The following GRIN2A variants were observed in gnomAD, a reference collection of about 807,000 sequenced individuals.
GRIN2A encodes glutamate receptor ionotropic, NMDA 2A.
A neutral mutation model predicts 113.4 loss-of-function variants in GRIN2A; 22 were observed. The observed-to-expected ratio is 0.19, with a 90% CI of 0.14 to 0.28. GRIN2A has a LOEUF of 0.28. GRIN2A is among the 10% of genes least tolerant of loss of function. GRIN2A has a pLI of 1.00. For synonymous variants in GRIN2A, 827 were observed against 738.4 expected, an observed-to-expected ratio of 1.12 and a Z score of -1.94; for missense variants, 1,502 against 1,887.0, an observed-to-expected ratio of 0.80 and a Z score of 3.78.
chr16:9,937,308 G>T (rs1049250287), intron 3 of GRIN2A, among the ~76,000 whole-genome samples: 2 of 151,952 alleles, frequency 1.3e-5, no homozygotes, highest in African/African-American at 4.8e-5. Context: ...TAGCATAATA[G>T]GGTGACTATA....
chr16:10,025,753 C>A (rs1221962170), intron 2 of GRIN2A, among the ~76,000 whole-genome samples: 1 of 152,172 alleles, frequency 6.6e-6, no homozygotes, highest in Non-Finnish European at 1.5e-5. Context: ...CCCTGCCTCC[C>A]TATATCGGCT....
At chr16:10,067,892 T>A (rs530079682) in intron 2 of GRIN2A, among the ~76,000 whole-genome samples, 9 of 152,172 alleles carry the variant, frequency 5.9e-5, no homozygotes, top group Non-Finnish European at 1.0e-4. Flanking sequence ...AATGATGTGG[T>A]CCCAAATGTC....
intron 4 of GRIN2A, among the ~76,000 whole-genome samples, chr16:9,884,491 G>A (rs764698359): frequency 6.6e-6 from 1 of 152,116 alleles, no homozygotes; most frequent in Non-Finnish European, 1.5e-5. Context: ...AGAGGTTGCA[G>A]TGAGCCCAGA....
chr16:9,837,448 A>T (rs2042600590), intron 7 of GRIN2A, among the ~76,000 whole-genome samples: 1 of 152,214 alleles, frequency 6.6e-6, no homozygotes, highest in Non-Finnish European at 1.5e-5. Flanking sequence ...TTGAGGCCAG[A>T]TTCAATATTC....
At position 9,931,148 on chromosome 16, in the gene GRIN2A, T is replaced by G. The variant is rs530550535; in HGVS notation, c.1007+6811A>C. ...TTGAGCTCTTCTACTTGATTTCCAGTGCAGTAACTTCTCCATGTCCTACTT... is the reference window on the plus strand; with the variant it reads ...TTGAGCTCTTCTACTTGATTTCCAGGGCAGTAACTTCTCCATGTCCTACTT... On this transcript the variant is annotated intron_variant, in intron 3 of 12. Coordinates refer to ENST00000330684, the MANE Select transcript of GRIN2A (RefSeq NM_001134407.3). 2.0e-4 allele frequency among the ~76,000 whole-genome samples: 30 copies of G among 152,280 alleles called. No homozygotes were observed. The South Asian group carries it at 5.6e-3, about 28-fold the overall frequency.
At chr16:9,992,026 A>G (rs2729592) in intron 2 of GRIN2A, among the ~76,000 whole-genome samples, 1 of 152,124 alleles carries the variant, frequency 6.6e-6, no homozygotes, top group Non-Finnish European at 1.5e-5. Flanking sequence ...ATGTAACAAA[A>G]CTGCACGTTC....
intron 11 of GRIN2A, among the ~76,000 whole-genome samples, chr16:9,776,886 C>T (rs1901635604): frequency 6.6e-6 from 1 of 152,142 alleles, no homozygotes; most frequent in Admixed American, 6.5e-5. Flanking sequence ...TCGATGACAA[C>T]AGACTTGGTC....
At chr16:9,886,919 G>C (rs1177286191) in intron 4 of GRIN2A, among the ~76,000 whole-genome samples, 2 of 152,142 alleles carry the variant, frequency 1.3e-5, no homozygotes, top group East Asian at 3.8e-4. Context: ...ACAAAACCTT[G>C]CTCTGTCACC....
At position 9,754,783 on chromosome 16, in the gene GRIN2A, A is replaced by G. The variant is rs1054130177; in HGVS notation, c.*8366T>C. ...ATTCAAAAGGCTATGATTGTTTTTC[A>G]TGGAAAAAAAAAGACAATGTTTTCG... On this transcript the variant is annotated 3_prime_UTR_variant, in exon 13 of 13. Coordinates refer to ENST00000330684, the MANE Select transcript of GRIN2A (RefSeq NM_001134407.3). 4.5e-6 allele frequency: 1 copy of G among 220,778 alleles called. No individual in the cohort carries two copies. Among genetic ancestry groups the G allele is most frequent in the Non-Finnish European group, 9.1e-6 (1 of 110,232 alleles). The allele number at this position is 220,778 out of a possible 1,614,324, so 13.7% of individuals were successfully genotyped here.
At chr16:10,047,035 G>A (rs1424872313) in intron 2 of GRIN2A, among the ~76,000 whole-genome samples, 1 of 152,134 alleles carries the variant, frequency 6.6e-6, no homozygotes, top group African/African-American at 2.4e-5. Flanking sequence ...GATGCCAGTA[G>A]TACTCACCTT....
Position 10,148,751 on chromosome 16 carries a change from A to G in GRIN2A, c.414+31247T>C, listed in dbSNP as rs1418501062. 2.6e-5 allele frequency among the ~76,000 whole-genome samples: 4 copies of G among 152,092 alleles called. No individual in the cohort carries two copies. The East Asian group carries it at 5.8e-4, about 22-fold the overall frequency. On this transcript the variant is annotated intron_variant, in intron 2 of 12. Transcript: ENST00000330684. ...TATCCAAAAGAAAGGAAATCAGTATATCAAAGAGATATCTGCACTCCTATG... is the reference window on the plus strand; with the variant it reads ...TATCCAAAAGAAAGGAAATCAGTATGTCAAAGAGATATCTGCACTCCTATG...
chr16:10,054,297 A>T (rs1036814705), intron 2 of GRIN2A, among the ~76,000 whole-genome samples: 2 of 152,198 alleles, frequency 1.3e-5, no homozygotes, highest in Non-Finnish European at 2.9e-5. Context: ...TAAATGTGAA[A>T]ATATGTTCAA....
rs1900604490 is a variant in GRIN2A, at chr16:9,761,983, G to A, written c.*1166C>T. On this transcript the variant is annotated 3_prime_UTR_variant, in exon 13 of 13. Coordinates refer to ENST00000330684, the MANE Select transcript of GRIN2A (RefSeq NM_001134407.3). ...GTTTTGAAGGCTTTTGATTTGAGGA[G>A]TTTGGGGTGGAAGTGAGTGTCCAAC... 1 of 200,144 alleles carries A rather than the reference G, an allele frequency of 5.0e-6. No individual in the cohort carries two copies. Among genetic ancestry groups the A allele is most frequent in the Non-Finnish European group, 1.0e-5 (1 of 96,956 alleles). The allele number at this position is 200,144 out of a possible 1,614,324, so 12.4% of individuals were successfully genotyped here. A position where few individuals can be genotyped will look rare whatever the true frequency, so the allele number is the denominator to read the frequency against.
chr16:9,964,417 G>A (rs962817590), intron 2 of GRIN2A, among the ~76,000 whole-genome samples: 11 of 152,280 alleles, frequency 7.2e-5, no homozygotes, highest in East Asian at 3.9e-4. Context: ...GCCATGGTGC[G>A]TTCATTTTCT....
chr16:9,800,276 G>A (rs6497517), intron 10 of GRIN2A, among the ~76,000 whole-genome samples: 56,490 of 151,978 alleles, frequency 0.37, 11,391 homozygotes, highest in African/African-American at 0.55. Flanking sequence ...TTAGATCCCT[G>A]TCAGTAGTCC....
At chr16:10,017,499 G>C (rs1281592816) in intron 2 of GRIN2A, among the ~76,000 whole-genome samples, 1 of 152,050 alleles carries the variant, frequency 6.6e-6, no homozygotes, top group Non-Finnish European at 1.5e-5. Context: ...GGCTTATTTC[G>C]AGCTATGTTA....
intron 2 of GRIN2A, among the ~76,000 whole-genome samples, chr16:10,119,132 CTTAT>C (rs2048782784): frequency 6.6e-6 from 1 of 152,012 alleles, no homozygotes; most frequent in Admixed American, 6.6e-5. Flanking sequence ...TATTTGAGGG[CTTAT>C]TTGTTATAGC....
intron 2 of GRIN2A, among the ~76,000 whole-genome samples, chr16:10,172,662 TA>T (rs1028077678): frequency 3.0e-4 from 45 of 152,320 alleles, no homozygotes; most frequent in African/African-American, 9.6e-4. Context: ...ACTGTTGCCA[TA>T]GGGGGAATCG....
At position 9,769,334 on chromosome 16, in the gene GRIN2A, T is replaced by G. The variant is rs74008811; in HGVS notation, c.2357-245A>C. 4,011 of 206,998 alleles carry G rather than the reference T, an allele frequency of 0.019. 152 individuals are homozygous for G. The highest frequency in any genetic ancestry group is 0.077 in the African/African-American group (3,324 of 42,918). 12.8% of individuals were successfully genotyped at this position (206,998 alleles called of 1,614,324 possible). ...AAAAATAGAGAATATAATATATATA[T>G]AGAGAGAGAGTATAGCAAACTTATT... On this transcript the variant is annotated intron_variant, in intron 11 of 12. Transcript: ENST00000330684.
Sources: gnomAD v4.1 joint callset for allele counts (sites outside exome capture counted in the v4.1 genomes callset) on GRCh38, gnomAD v4.1.1 for gene constraint, MANE v1.5 for transcripts, NCBI Gene and HGNC (gene_info 2026-07-23, HGNC 2026-07-21) for gene names.